Variants in UHRF1 observed in about 807,000 individuals in gnomAD.
The protein encoded by UHRF1 is E3 ubiquitin-protein ligase UHRF1.
Under a neutral mutation model 96.5 loss-of-function variants are expected in UHRF1, and 9 were observed. The observed-to-expected ratio is 0.09, with a 90% CI of 0.06 to 0.16. The LOEUF (loss-of-function observed/expected upper bound fraction) is 0.16. UHRF1 is among the 10% of genes least tolerant of loss of function. The probability of loss-of-function intolerance (pLI) is 1.00; values close to 1 mark genes in which losing one functional copy is unlikely to be tolerated. For missense variants in UHRF1, 626 were observed against 1,131.1 expected (o/e 0.55, Z 6.40); for synonymous variants, 455 against 469.9 (o/e 0.97, Z 0.41).
intron 2 of UHRF1, among the ~76,000 whole-genome samples, chr19:4,918,923 T>G (rs1158910099): frequency 6.6e-6 from 1 of 151,756 alleles, no homozygotes; most frequent in African/African-American, 2.4e-5. Flanking sequence ...GTTCCTGCCA[T>G]GTTACCCAGG....
intron 4 of UHRF1, among the ~76,000 whole-genome samples, chr19:4,932,063 G>A (rs777603629): frequency 6.6e-6 from 1 of 152,154 alleles, no homozygotes; most frequent in Non-Finnish European, 1.5e-5. Flanking sequence ...CGAGTAGCTG[G>A]GATTACAGGC....
Position 4,929,489 on chromosome 19 carries a change from T to C in UHRF1, c.408+13T>C, listed in dbSNP as rs2032982174. ...GGGGCTGTACAAGGTGAGCCTCCCCTCCGCAGCTGCTCTGGGGTTGGACGT... is the reference window on the plus strand; with the variant it reads ...GGGGCTGTACAAGGTGAGCCTCCCCCCCGCAGCTGCTCTGGGGTTGGACGT... On this transcript the variant is annotated intron_variant, in intron 3 of 16. Coordinates refer to ENST00000650932, the MANE Select transcript of UHRF1 (RefSeq NM_001048201.3). 1 of 1,604,590 alleles carries C rather than the reference T, an allele frequency of 6.2e-7. No homozygotes were observed. The highest frequency in any genetic ancestry group is 8.5e-7 in the Non-Finnish European group (1 of 1,173,428).
intron 15 of UHRF1, 87 bp from the exon 16 acceptor site, chr19:4,956,621 AC>A: frequency 1.2e-6 from 1 of 801,982 alleles, no homozygotes; most frequent in Non-Finnish European, 2.1e-6. Flanking sequence ...GAATTAGAGG[AC>A]CCAGGTACAT....
chr19:4,905,851 T>C (rs2032055246), upstream of UHRF1, among the ~76,000 whole-genome samples: 1 of 152,120 alleles, frequency 6.6e-6, no homozygotes, highest in Non-Finnish European at 1.5e-5. Flanking sequence ...CCCAAGACAA[T>C]TCTTCTTCCA....
At chr19:4,907,037 A>G (rs1419241946), upstream of UHRF1, among the ~76,000 whole-genome samples, 7 of 152,328 alleles carry the variant, frequency 4.6e-5, no homozygotes, top group African/African-American at 1.7e-4. Flanking sequence ...CACCATCTGG[A>G]CATCGTGGAT....
chr19:4,934,729 G>A (rs115504579), intron 5 of UHRF1, among the ~76,000 whole-genome samples: 49 of 152,274 alleles, frequency 3.2e-4, no homozygotes, highest in African/African-American at 1.1e-3. Context: ...CAGCAAGCAC[G>A]CAGAGGTCCT....
chr19:4,947,246 T>C (rs1269806526), intron 11 of UHRF1, 35 bp downstream of exon 11: 1 of 1,580,106 alleles, frequency 6.3e-7, no homozygotes, highest in Non-Finnish European at 8.7e-7. Context: ...TCCTTGCTGA[T>C]GCATATCTGC....
rs916989970 is a variant in UHRF1, at chr19:4,960,639, G to A, written c.2236-18G>A. 28 of 1,611,498 alleles carry A rather than the reference G, an allele frequency of 1.7e-5. No individual in the cohort carries two copies. The highest frequency in any genetic ancestry group is 2.1e-5 in the Non-Finnish European group (25 of 1,178,896). ...ATGGTGTGGATGGCACTTCTCACGC[G>A]CCTGCTGTGTCTTACAGGACTGCCT... On this transcript the variant is annotated intron_variant, in intron 16 of 16. Transcript: ENST00000650932.
intron 16 of UHRF1, among the ~76,000 whole-genome samples, chr19:4,957,938 G>A (rs1331078715): frequency 6.6e-6 from 1 of 152,216 alleles, no homozygotes; most frequent in Non-Finnish European, 1.5e-5. Flanking sequence ...GACTGACCCT[G>A]CCACCCCACG....
At chr19:4,944,677 G>A (rs1035970901) in intron 9 of UHRF1, among the ~76,000 whole-genome samples, 4 of 152,178 alleles carry the variant, frequency 2.6e-5, no homozygotes, top group East Asian at 1.9e-4. Flanking sequence ...TCAGAGACAC[G>A]TAAGGTCATT....
At chr19:4,931,495 T>C (rs976397175) in intron 4 of UHRF1, among the ~76,000 whole-genome samples, 1 of 151,736 alleles carries the variant, frequency 6.6e-6, no homozygotes, top group East Asian at 1.9e-4. Flanking sequence ...CGAGACAGAG[T>C]CTTACTCTGT....
chr19:4,907,704 C>CTTTTT (rs59867968), upstream of UHRF1, among the ~76,000 whole-genome samples: 6 of 47,696 alleles, frequency 1.3e-4, no homozygotes, highest in East Asian at 6.4e-4. Flanking sequence ...TTGGCCTGAT[C>CTTTTT]TTTTTTTTTT....
chr19:4,922,016 T>TA (rs2032718460), intron 2 of UHRF1, among the ~76,000 whole-genome samples: 2 of 152,182 alleles, frequency 1.3e-5, no homozygotes, highest in Non-Finnish European at 2.9e-5. Flanking sequence ...AGTGCAATGG[T>TA]GAGATTTCGG....
rs201406541 is a variant in UHRF1, at chr19:4,948,317, C to T, written c.1517+1106C>T. ...TTGGCCCCTGATTACAGGATGGGGGCGGACTTTTCCAGCATAAAAACCATC... is the reference window on the plus strand; with the variant it reads ...TTGGCCCCTGATTACAGGATGGGGGTGGACTTTTCCAGCATAAAAACCATC... On this transcript the variant is annotated intron_variant, in intron 11 of 16. Transcript: ENST00000650932. Among the ~76,000 whole-genome samples the T allele has an allele frequency of 3.6e-4, 55 of 152,024 alleles. No individual in the cohort carries two copies. The East Asian group carries it at 6.4e-3, about 18-fold the overall frequency.
chr19:4,931,083 G>C (rs561426408), intron 4 of UHRF1, among the ~76,000 whole-genome samples: 52 of 152,284 alleles, frequency 3.4e-4, no homozygotes, highest in Non-Finnish European at 5.6e-4. Flanking sequence ...CTGTGTCTCC[G>C]CGGAGGGTTC....
In UHRF1 at chr19:4,944,565, G is replaced by A. The variant is rs911281103; in HGVS notation, c.1305+115G>A. 3.9e-5 allele frequency: 44 copies of A among 1,130,850 alleles called. No individual in the cohort carries two copies. The South Asian group carries it at 4.7e-4, about 12-fold the overall frequency. 70.1% of individuals were successfully genotyped at this position (1,130,850 alleles called of 1,614,324 possible). ...TCAGGGTGGTTACCAGTGGTGCCTC[G>A]GCTAGCCGAGGAGGGGTGTGGAAAG... On this transcript the variant is annotated intron_variant, in intron 9 of 16. Coordinates refer to ENST00000650932, the MANE Select transcript of UHRF1 (RefSeq NM_001048201.3).
upstream of UHRF1, among the ~76,000 whole-genome samples, chr19:4,907,586 T>TA (rs1428571603): frequency 4.0e-5 from 6 of 151,618 alleles, no homozygotes; most frequent in Non-Finnish European, 8.8e-5. Flanking sequence ...TTTATCATCT[T>TA]ACAGTTTGGG....
chr19:4,922,131 G>A (rs2032721636), intron 2 of UHRF1, among the ~76,000 whole-genome samples: 1 of 152,124 alleles, frequency 6.6e-6, no homozygotes, highest in Non-Finnish European at 1.5e-5. Flanking sequence ...ATTTTTAGTA[G>A]AGATGGAGTC....
Position 4,927,811 on chromosome 19 carries a change from G to C in UHRF1, c.154-1411G>C, listed in dbSNP as rs17880233. Among the ~76,000 whole-genome samples, 151 of 152,314 alleles carry C rather than the reference G, an allele frequency of 9.9e-4. 5 individuals are homozygous for C. The East Asian group carries it at 0.027, about 27-fold the overall frequency. ...GACCCAGCCCATCCCAGAGTGGTCA[G>C]CCCTAATGTCAGCCATGCTTAGGTC... On this transcript the variant is annotated intron_variant, in intron 2 of 16. Transcript: ENST00000650932.
Sources: allele counts gnomAD v4.1 joint callset (sites outside exome capture counted in the v4.1 genomes callset), GRCh38; gene constraint gnomAD v4.1.1; transcripts MANE v1.5; gene names NCBI Gene and HGNC (gene_info 2026-07-23, HGNC 2026-07-21).